Variants in ROBO2 observed in about 807,000 individuals in gnomAD.
ROBO2 encodes roundabout homolog 2.
In ROBO2, 53 loss-of-function variants were observed where a neutral mutation model predicts 160.8. The ratio of observed to expected loss-of-function variants is 0.33; its 90% CI spans 0.26 to 0.41. The LOEUF (loss-of-function observed/expected upper bound fraction) is 0.41. Among genes scored for constraint, ROBO2 ranks in the 10% least tolerant of loss-of-function variants. ROBO2 has a pLI of 1.00. For missense variants in ROBO2, 1,577 were observed against 1,722.4 expected (o/e 0.92, Z 1.49); for synonymous variants, 664 against 611.7 (o/e 1.09, Z -1.26).
intron 2 of ROBO2, among the ~76,000 whole-genome samples, chr3:76,649,521 T>G (rs1037858237): frequency 1.3e-5 from 2 of 152,124 alleles, no homozygotes; most frequent in Non-Finnish European, 2.9e-5. Flanking sequence ...TAACTCAACT[T>G]AAAACTCACT....
intron 2 of ROBO2, among the ~76,000 whole-genome samples, chr3:76,063,630 G>C (rs760868539): frequency 6.6e-6 from 1 of 151,906 alleles, no homozygotes; most frequent in Non-Finnish European, 1.5e-5. Flanking sequence ...ACAGGCATAA[G>C]CCACTGTACC....
chr3:77,370,291 G>A (rs982694691), intron 2 of ROBO2, among the ~76,000 whole-genome samples: 8 of 152,154 alleles, frequency 5.3e-5, no homozygotes, highest in African/African-American at 9.7e-5. Flanking sequence ...TACATTGCTT[G>A]AAACGGAATT....
At chr3:76,127,918 C>T (rs547644522) in intron 2 of ROBO2, among the ~76,000 whole-genome samples, 15 of 77,142 alleles carry the variant, frequency 1.9e-4, no homozygotes, top group African/African-American at 4.7e-4. Flanking sequence ...TTTTTTGAGA[C>T]GAAGTCCCAC....
At chr3:77,196,638 A>G (rs1237632563) in intron 2 of ROBO2, among the ~76,000 whole-genome samples, 2 of 152,034 alleles carry the variant, frequency 1.3e-5, no homozygotes, top group African/African-American at 4.8e-5. Flanking sequence ...TGTACATGTT[A>G]TTTATTGATT....
intron 2 of ROBO2, among the ~76,000 whole-genome samples, chr3:76,811,979 T>G (rs996601227): frequency 7.2e-5 from 11 of 151,944 alleles, no homozygotes; most frequent in African/African-American, 2.4e-4. Context: ...CAAGCGATTC[T>G]CCTGCCTCAG....
chr3:76,914,210 A>T (rs2076172924), intron 2 of ROBO2, among the ~76,000 whole-genome samples: 1 of 152,208 alleles, frequency 6.6e-6, no homozygotes. Flanking sequence ...CCTCAGTTGC[A>T]TGGAGAGGGT....
At chr3:76,577,975 A>G (rs1356316648) in intron 2 of ROBO2, among the ~76,000 whole-genome samples, 2 of 152,014 alleles carry the variant, frequency 1.3e-5, no homozygotes, top group Non-Finnish European at 2.9e-5. Context: ...TGTTGTTTCC[A>G]TTCTGTTTTA....
intron 2 of ROBO2, among the ~76,000 whole-genome samples, chr3:77,176,586 G>A (rs1007021827): frequency 2.4e-4 from 37 of 151,894 alleles, no homozygotes; most frequent in African/African-American, 8.5e-4. Context: ...TCACAACATA[G>A]TTTGTTCCAT....
intron 1 of ROBO2, among the ~76,000 whole-genome samples, chr3:75,936,794 G>T (rs1007538312): frequency 1.3e-5 from 2 of 151,854 alleles, no homozygotes; most frequent in African/African-American, 4.8e-5. Flanking sequence ...AATATGAAAA[G>T]CAGTTTCAAA....
In ROBO2 at chr3:77,386,014, GT is replaced by G. The variant is rs201853160; in HGVS notation, c.389-91396del. ...TAAGTCAATTTGTAATGATATTTAT[GT>G]TTTACTATTCTAATAATAACTAATG... On this transcript the variant is annotated intron_variant, in intron 2 of 25. Coordinates refer to ENST00000461745, the Ensembl canonical transcript of ROBO2. Among the ~76,000 whole-genome samples, 1,019 of 152,250 alleles carry G rather than the reference GT, an allele frequency of 6.7e-3. 11 individuals are homozygous for G. The highest frequency in any genetic ancestry group is 0.023 in the African/African-American group (976 of 41,560).
chr3:77,610,095 T>G (rs1583263962), intron 21 of ROBO2, among the ~76,000 whole-genome samples: 1 of 151,806 alleles, frequency 6.6e-6, no homozygotes, highest in African/African-American at 2.4e-5. Flanking sequence ...TTGTCCATTT[T>G]TTGATATTCT....
chr3:76,166,352 C>T (rs1006661356), intron 2 of ROBO2, among the ~76,000 whole-genome samples: 1 of 152,116 alleles, frequency 6.6e-6, no homozygotes, highest in Non-Finnish European at 1.5e-5. Context: ...TTTCTTGAAT[C>T]GTAGGCTTTA....
chr3:76,915,836 T>G (rs1051607107), intron 2 of ROBO2, among the ~76,000 whole-genome samples: 1 of 152,128 alleles, frequency 6.6e-6, no homozygotes, highest in African/African-American at 2.4e-5. Flanking sequence ...AGCAAATGTT[T>G]ATTACTCACG....
intron 2 of ROBO2, among the ~76,000 whole-genome samples, chr3:76,080,915 A>G (rs1343634480): frequency 1.3e-5 from 2 of 152,158 alleles, no homozygotes; most frequent in Admixed American, 6.5e-5. Context: ...CAATCTTACA[A>G]TTGTTTGTCC....
At chr3:76,803,571 AACAC>A (rs761107411) in intron 2 of ROBO2, among the ~76,000 whole-genome samples, 11 of 151,962 alleles carry the variant, frequency 7.2e-5, no homozygotes, top group Non-Finnish European at 1.3e-4. Context: ...GAGGAAAAAA[AACAC>A]ACAGACGTAC....
At position 75,917,881 on chromosome 3, in the gene ROBO2, G is replaced by GTTTGT. The variant is rs376768113; in HGVS notation, c.-14+10923_-14+10924insTGTTT. Among the ~76,000 whole-genome samples the GTTTGT allele has an allele frequency of 5.3e-5, 8 of 151,776 alleles. No homozygotes were observed. In the East Asian group the frequency reaches 1.6e-3, roughly 29 times the overall value. Reference sequence around the variant, plus strand: ...TATCCTTTGCCTACTTTTTGATGGGGTTGTTTTTTTCTTGTAAATTTGTTT... The same window carrying GTTTGT: ...TATCCTTTGCCTACTTTTTGATGGGGTTTGTTTGTTTTTTTCTTGTAAATTTGTTT... On this transcript the variant is annotated intron_variant, in intron 1 of 26. Transcript: ENST00000487694.
intron 2 of ROBO2, among the ~76,000 whole-genome samples, chr3:77,033,132 A>T (rs578193838): frequency 6.6e-6 from 1 of 152,202 alleles, no homozygotes; most frequent in Non-Finnish European, 1.5e-5. Context: ...GTAATTGTCA[A>T]CATCGCACTG....
At chr3:76,844,319 A>G (rs1220193229) in intron 2 of ROBO2, among the ~76,000 whole-genome samples, 1 of 151,988 alleles carries the variant, frequency 6.6e-6, no homozygotes, top group Non-Finnish European at 1.5e-5. Context: ...CTTAACATAA[A>G]TTCTCCTGGA....
intron 1 of ROBO2, among the ~76,000 whole-genome samples, chr3:77,069,330 G>C (rs2067170688): frequency 6.6e-6 from 1 of 152,108 alleles, no homozygotes; most frequent in Admixed American, 6.6e-5. Flanking sequence ...GAATGAGGAT[G>C]CTTTGTTGGC....
Sources: allele counts gnomAD v4.1 joint callset (sites outside exome capture counted in the v4.1 genomes callset), GRCh38; gene constraint gnomAD v4.1.1; transcripts MANE v1.5; gene names NCBI Gene and HGNC (gene_info 2026-07-23, HGNC 2026-07-21).